The following PCYT1A variants were observed in gnomAD, a reference collection of about 807,000 sequenced individuals.
PCYT1A encodes the protein choline-phosphate cytidylyltransferase A.
PCYT1A carries 25 observed loss-of-function variants against 43.7 expected under a neutral mutation model. The observed-to-expected ratio is 0.57, with a 90% CI of 0.42 to 0.80. The LOEUF is 0.80. Among genes scored for constraint, PCYT1A ranks in the 30% least tolerant of loss-of-function variants. The pLI is 0.00. For missense variants in PCYT1A, 421 were observed against 474.2 expected (o/e 0.89, Z 1.04); for synonymous variants, 172 against 170.7 (o/e 1.01, Z -0.06).
Position 196,278,069 on chromosome 3 carries a change from G to A in PCYT1A, c.-10-7528C>T, listed in dbSNP as rs548508722. ...CCCCAGTCTCCCTCATGTTCCAATAGATGCTTGCCCGGACACATCACCTTT... is the reference window on the plus strand; with the variant it reads ...CCCCAGTCTCCCTCATGTTCCAATAAATGCTTGCCCGGACACATCACCTTT... On this transcript the variant is annotated intron_variant, in intron 1 of 8. Coordinates refer to ENST00000431016, the MANE Select transcript of PCYT1A (RefSeq NM_001312673.2). Among the ~76,000 whole-genome samples the A allele has an allele frequency of 1.2e-4, 19 of 152,270 alleles. No homozygotes were observed. The South Asian group carries it at 3.5e-3, about 28-fold the overall frequency.
intron 2 of PCYT1A, among the ~76,000 whole-genome samples, chr3:196,261,803 A>G (rs114294180): frequency 0.013 from 1,987 of 152,044 alleles, 20 homozygotes; most frequent in Middle Eastern, 0.034. Context: ...AAAAAAAAAA[A>G]AGAGATATTT....
At chr3:196,258,782 C>T (rs1725024839) in intron 2 of PCYT1A, among the ~76,000 whole-genome samples, 1 of 151,764 alleles carries the variant, frequency 6.6e-6, no homozygotes, top group South Asian at 2.1e-4. Flanking sequence ...GAGACAAGGT[C>T]TCACTACGTG....
intron 3 of PCYT1A, among the ~76,000 whole-genome samples, chr3:196,254,783 T>C (rs1487928759): frequency 6.6e-6 from 1 of 152,228 alleles, no homozygotes; most frequent in Non-Finnish European, 1.5e-5. Context: ...TGTCCTCCTT[T>C]AGGCAGAAGA....
intron 3 of PCYT1A, among the ~76,000 whole-genome samples, chr3:196,251,124 T>C (rs567855579): frequency 3.1e-4 from 46 of 149,552 alleles, no homozygotes; most frequent in African/African-American, 1.1e-3. Flanking sequence ...AGATACACCA[T>C]GCTGAGGCTG....
At chr3:196,246,286 C>T (rs1033942536) in intron 5 of PCYT1A, among the ~76,000 whole-genome samples, 2 of 152,212 alleles carry the variant, frequency 1.3e-5, no homozygotes, top group South Asian at 2.1e-4. Context: ...ACATTCCACG[C>T]GCCCCTGTAG....
At chr3:196,244,633 G>C (rs879764175) in intron 5 of PCYT1A, among the ~76,000 whole-genome samples, 1 of 152,208 alleles carries the variant, frequency 6.6e-6, no homozygotes, top group Non-Finnish European at 1.5e-5. Context: ...TGACGATGGC[G>C]GTTTTGTCGA....
intron 1 of PCYT1A, among the ~76,000 whole-genome samples, chr3:196,279,821 CCTTT>C (rs1725701543): frequency 1.5e-5 from 2 of 136,208 alleles, no homozygotes; most frequent in East Asian, 2.2e-4. Flanking sequence ...CCTATCCAGT[CCTTT>C]CTTTTTTTTT....
chr3:196,270,615 G>A lies in PCYT1A; in HGVS notation c.-10-74C>T, dbSNP rs1404864114. 2.1e-5 allele frequency: 20 copies of A among 931,332 alleles called. No homozygotes were observed. In the East Asian group the frequency reaches 3.1e-4, roughly 14 times the overall value. The allele number at this position is 931,332 out of a possible 1,614,324, so 57.7% of individuals were successfully genotyped here. On this transcript the variant is annotated intron_variant, in intron 1 of 8. Transcript: ENST00000431016. Reference sequence around the variant, plus strand: ...AGTTTGTCACCAGTATTTCAGAGACGTTGACGTGGATACACTCAGCAAAAT... The same window carrying A: ...AGTTTGTCACCAGTATTTCAGAGACATTGACGTGGATACACTCAGCAAAAT...
chr3:196,273,862 T>C lies in PCYT1A; in HGVS notation c.-10-3321A>G, dbSNP rs117781778. 7.0e-3 allele frequency among the ~76,000 whole-genome samples: 1,067 copies of C among 152,306 alleles called. 92 individuals carry two copies. The East Asian group carries it at 0.19, about 27-fold the overall frequency. On this transcript the variant is annotated intron_variant, in intron 1 of 8. Transcript: ENST00000431016. The surrounding 1 kb of genome is among the most constrained non-coding windows in gnomAD (Gnocchi z 4.1). ...GCCATCCCTGGCTTGAAGGTGGGGC[T>C]TCACCAGGGACCCGCCCATTTCCGC... is the stretch of plus-strand genomic sequence containing the variant.
chr3:196,276,267 C>A (rs980232323), intron 1 of PCYT1A, among the ~76,000 whole-genome samples: 4 of 152,060 alleles, frequency 2.6e-5, no homozygotes, highest in Non-Finnish European at 4.4e-5. Context: ...ATCGAAGTAT[C>A]ACATTGTATC....
At chr3:196,249,613 TA>T (rs1724685450) in intron 3 of PCYT1A, among the ~76,000 whole-genome samples, 1 of 152,184 alleles carries the variant, frequency 6.6e-6, no homozygotes, top group Non-Finnish European at 1.5e-5. Context: ...AGAATCAGCA[TA>T]ATGGTCCATC....
rs561240005 is a variant in PCYT1A at position 196,268,126 on chromosome 3, A to T, written c.117+2289T>A. On this transcript the variant is annotated intron_variant, in intron 2 of 8. Coordinates refer to ENST00000431016, the MANE Select transcript of PCYT1A (RefSeq NM_001312673.2). This position sits in a 1 kb window ranked among gnomAD's most constrained non-coding sequence, Gnocchi z 4.4. ...GCATTAAGACTCCCCAGAAGAATTT[A>T]AAAAAAAAAAAGATTCCCAGAGTCT... Among the ~76,000 whole-genome samples the T allele has an allele frequency of 1.9e-3, 273 of 146,636 alleles. 1 individual carries two copies. The highest frequency in any genetic ancestry group is 3.5e-3 in the Middle Eastern group (1 of 286).
intron 2 of PCYT1A, among the ~76,000 whole-genome samples, chr3:196,263,758 G>C (rs1178023372): frequency 6.6e-6 from 1 of 152,106 alleles, no homozygotes; most frequent in South Asian, 2.1e-4. Context: ...TCAGCCTCCG[G>C]AGTAGCTGGG....
chr3:196,257,417 G>C (rs994004542), intron 3 of PCYT1A, among the ~76,000 whole-genome samples: 1 of 152,190 alleles, frequency 6.6e-6, no homozygotes, highest in African/African-American at 2.4e-5. Flanking sequence ...AGAACGTAGA[G>C]AGGTGGTGGG....
Position 196,247,057 on chromosome 3 carries a change from T to G in PCYT1A, c.486+310A>C, listed in dbSNP as rs1724591181. 6.6e-6 allele frequency among the ~76,000 whole-genome samples: 1 copy of G among 152,252 alleles called. No homozygotes were observed. Among genetic ancestry groups the G allele is most frequent in the South Asian group, 2.1e-4 (1 of 4,834 alleles). On this transcript the variant is annotated intron_variant, in intron 5 of 8. Coordinates refer to ENST00000431016, the MANE Select transcript of PCYT1A (RefSeq NM_001312673.2). This position sits in a 1 kb window ranked among gnomAD's most constrained non-coding sequence, Gnocchi z 4.8. ...TTCCCAGCCCTGCCAATGGTGTAAC[T>G]TGGAGCAGGTTATTTGGTTTCTCTA...
intron 1 of PCYT1A, among the ~76,000 whole-genome samples, chr3:196,286,623 T>C (rs1000417099): frequency 6.6e-6 from 1 of 152,168 alleles, no homozygotes; most frequent in African/African-American, 2.4e-5. Context: ...AAAAGAAAAG[T>C]ACAGGTTCAG....
At chr3:196,241,131 TAAAAAAAAAAAAAAAA>T (rs1209954920) in intron 7 of PCYT1A, among the ~76,000 whole-genome samples, 1 of 49,660 alleles carries the variant, frequency 2.0e-5, no homozygotes, top group Non-Finnish European at 3.4e-5. Context: ...CCATCTCTGC[TAAAAAAAAAAAAAAAA>T]AAAAAAAAAA....
chr3:196,264,929 G>A (rs1725223078), intron 2 of PCYT1A, among the ~76,000 whole-genome samples: 1 of 152,078 alleles, frequency 6.6e-6, no homozygotes, highest in African/African-American at 2.4e-5. Flanking sequence ...GTTGAAATGA[G>A]ATTGTGAGGC....
chr3:196,264,461 C>G (rs1725209007), intron 2 of PCYT1A, among the ~76,000 whole-genome samples: 1 of 152,188 alleles, frequency 6.6e-6, no homozygotes. Context: ...TTAAGCCCTA[C>G]TTCATGATTC....
Sources: allele counts gnomAD v4.1 joint callset (sites outside exome capture counted in the v4.1 genomes callset), GRCh38; gene constraint gnomAD v4.1.1; non-coding constraint Gnocchi (gnomAD v3.1); transcripts MANE v1.5; gene names NCBI Gene and HGNC (gene_info 2026-07-23, HGNC 2026-07-21).